The following PRICKLE2 variants were observed in gnomAD, a reference collection of about 807,000 sequenced individuals.
The protein encoded by PRICKLE2 is prickle planar cell polarity protein 2, also known as prickle-like protein 2.
In PRICKLE2, 21 loss-of-function variants were observed where a neutral mutation model predicts 81.4. The ratio of observed to expected loss-of-function variants is 0.26; its 90% CI spans 0.18 to 0.37. PRICKLE2 has a LOEUF of 0.37. Ranked by LOEUF, PRICKLE2 falls within the 10% of genes least tolerant of loss-of-function variation. PRICKLE2 has a pLI of 1.00. For synonymous variants in PRICKLE2, 456 were observed against 421.5 expected (o/e 1.08, Z -1.00); for missense variants, 940 against 1,109.0 (o/e 0.85, Z 2.16).
intron 5 of PRICKLE2, 43 bp from the exon 6 acceptor site, chr3:64,153,411 C>T: frequency 6.3e-7 from 1 of 1,594,610 alleles, no homozygotes; most frequent in Non-Finnish European, 8.6e-7. Context: ...AAAACCCATC[C>T]AGAACATATT....
At chr3:64,209,088 C>T (rs2078742425) in intron 1 of PRICKLE2, among the ~76,000 whole-genome samples, 1 of 152,108 alleles carries the variant, frequency 6.6e-6, no homozygotes, top group Non-Finnish European at 1.5e-5. Flanking sequence ...TAAATACATA[C>T]ATATCTATCC....
At chr3:64,218,271 CA>C (rs1418546687) in intron 1 of PRICKLE2, among the ~76,000 whole-genome samples, 3 of 152,164 alleles carry the variant, frequency 2.0e-5, no homozygotes, top group Admixed American at 6.5e-5. Flanking sequence ...TAAATCAGAA[CA>C]TTTTTTACTT....
At chr3:64,138,593 A>T (rs2077311788) in intron 7 of PRICKLE2, among the ~76,000 whole-genome samples, 1 of 152,250 alleles carries the variant, frequency 6.6e-6, no homozygotes, top group African/African-American at 2.4e-5. Flanking sequence ...GGAACTAAAG[A>T]TCTGTGAAGT....
At chr3:64,267,204 G>C (rs1447366065) in intron 2 of PRICKLE2, among the ~76,000 whole-genome samples, 1 of 152,092 alleles carries the variant, frequency 6.6e-6, no homozygotes, top group Non-Finnish European at 1.5e-5. Flanking sequence ...AACTTGGAAA[G>C]TAAGAATTAA....
At chr3:64,206,177 G>A (rs1028189764) in intron 1 of PRICKLE2, among the ~76,000 whole-genome samples, 2 of 152,176 alleles carry the variant, frequency 1.3e-5, no homozygotes, top group African/African-American at 2.4e-5. Context: ...GGATGTCCCA[G>A]TGACTATAAT....
At chr3:64,100,310 G>C (rs1483560609) in intron 7 of PRICKLE2, 1 of 197,026 alleles carries the variant, frequency 5.1e-6, no homozygotes. Flanking sequence ...CTGTAGGACA[G>C]ATATTTTGGA....
chr3:64,246,502 C>T (rs1352500678), intron 2 of PRICKLE2, among the ~76,000 whole-genome samples: 1 of 152,110 alleles, frequency 6.6e-6, no homozygotes. Context: ...TTTGATAATG[C>T]CTGTGGTCTG....
upstream of PRICKLE2, among the ~76,000 whole-genome samples, chr3:64,226,784 C>T (rs936445115): frequency 1.3e-5 from 2 of 152,202 alleles, no homozygotes; most frequent in African/African-American, 4.8e-5. Context: ...TGTGCAGTAT[C>T]CCGGGCCAGG....
intron 7 of PRICKLE2, chr3:64,100,517 T>G (rs994097759): frequency 6.4e-6 from 1 of 155,540 alleles, no homozygotes; most frequent in Middle Eastern, 3.4e-3. Context: ...TAGATATAGA[T>G]AGAGAAATAT....
chr3:64,094,479 C>T lies in PRICKLE2; in HGVS notation c.*4572G>A, dbSNP rs2076542710. On this transcript the variant is annotated 3_prime_UTR_variant, in exon 8 of 8. Coordinates refer to ENST00000638394, the MANE Select transcript of PRICKLE2 (RefSeq NM_198859.4). ...CTATGGATTCATCGTATTCAAAACA[C>T]AGGAATGTTTTCCTAACACTATGTG... 6.6e-6 allele frequency: 1 copy of T among 152,204 alleles called. No homozygotes were observed. The highest frequency in any genetic ancestry group is 1.5e-5 in the Non-Finnish European group (1 of 68,038). 9.4% of individuals were successfully genotyped at this position (152,204 alleles called of 1,614,324 possible). A position where few individuals can be genotyped will look rare whatever the true frequency, so the allele number is the denominator to read the frequency against.
At chr3:64,155,261 A>T (rs1216401680) in intron 5 of PRICKLE2, among the ~76,000 whole-genome samples, 1 of 151,748 alleles carries the variant, frequency 6.6e-6, no homozygotes, top group East Asian at 1.9e-4. Context: ...ATACACAAAT[A>T]TCTAATAAAC....
At chr3:64,231,608 T>C (rs697294) in intron 2 of PRICKLE2, among the ~76,000 whole-genome samples, 120,183 of 152,100 alleles carry the variant, frequency 0.79, 50,277 homozygotes, top group South Asian at 0.93. Context: ...GGCTAAAAAC[T>C]CTCTGCCTCA....
intron 2 of PRICKLE2, among the ~76,000 whole-genome samples, chr3:64,195,445 G>A (rs1427894600): frequency 1.3e-5 from 2 of 152,116 alleles, no homozygotes; most frequent in African/African-American, 4.8e-5. Flanking sequence ...CCTACGACCT[G>A]GGAGTGAAAT....
intron 2 of PRICKLE2, among the ~76,000 whole-genome samples, chr3:64,187,016 C>G (rs732694): frequency 0.67 from 102,101 of 151,996 alleles, 35,346 homozygotes; most frequent in East Asian, 0.95. Context: ...AGATACCTGT[C>G]TTGAAAGCTA....
intron 7 of PRICKLE2, among the ~76,000 whole-genome samples, chr3:64,128,679 G>A (rs1290523090): frequency 6.8e-6 from 1 of 147,754 alleles, no homozygotes; most frequent in Non-Finnish European, 1.5e-5. Flanking sequence ...CCGGGAGGGA[G>A]AGGTTGTAGT....
At chr3:64,181,588 C>T (rs568069095) in intron 2 of PRICKLE2, among the ~76,000 whole-genome samples, 1 of 152,048 alleles carries the variant, frequency 6.6e-6, no homozygotes, top group East Asian at 1.9e-4. Flanking sequence ...CTTTCGGAAA[C>T]TAGGCAGAAA....
chr3:64,146,512 G>C (rs1402898672), intron 7 of PRICKLE2: 2 of 322,036 alleles, frequency 6.2e-6, no homozygotes, highest in Admixed American at 8.0e-5. Context: ...GGGAGGCCGA[G>C]GCAGGTGGAT....
chr3:64,180,295 G>C (rs970975143), intron 2 of PRICKLE2, among the ~76,000 whole-genome samples: 5 of 152,136 alleles, frequency 3.3e-5, no homozygotes, highest in African/African-American at 1.2e-4. Flanking sequence ...ATGTATGTAT[G>C]TGTTTATTTA....
At chr3:64,102,396 G>T (rs1251361982) in intron 7 of PRICKLE2, 1 of 152,246 alleles carries the variant, frequency 6.6e-6, no homozygotes, top group Non-Finnish European at 1.5e-5. Context: ...ATCAGCAGCA[G>T]CATTAGACTC....
Sources: gnomAD v4.1 joint callset for allele counts (sites outside exome capture counted in the v4.1 genomes callset) on GRCh38, gnomAD v4.1.1 for gene constraint, MANE v1.5 for transcripts, NCBI Gene and HGNC (gene_info 2026-07-23, HGNC 2026-07-21) for gene names.